Variants in LINGO1 observed in about 807,000 individuals in gnomAD.
LINGO1 encodes leucine-rich repeat and immunoglobulin-like domain-containing nogo receptor-interacting protein 1.
A neutral mutation model predicts 37.3 loss-of-function variants in LINGO1; 11 were observed. The observed-to-expected ratio is 0.29, with a 90% CI of 0.19 to 0.49. The LOEUF is 0.49. Among genes scored for constraint, LINGO1 ranks in the 20% least tolerant of loss-of-function variants. The pLI, the probability that LINGO1 is intolerant of heterozygous loss-of-function variation, is 0.99. For missense variants in LINGO1, 585 were observed against 878.2 expected (o/e 0.67, Z 4.22); for synonymous variants, 387 against 403.0 (o/e 0.96, Z 0.48).
intron 1 of LINGO1, among the ~76,000 whole-genome samples, chr15:77,626,160 G>T (rs1396794293): frequency 6.6e-6 from 1 of 152,110 alleles, no homozygotes; most frequent in African/African-American, 2.4e-5. Context: ...GAATCTCTGG[G>T]CTAGGGCCTA....
At chr15:77,616,223 A>T (rs2073715625) in intron 1 of LINGO1, among the ~76,000 whole-genome samples, 1 of 152,168 alleles carries the variant, frequency 6.6e-6, no homozygotes, top group African/African-American at 2.4e-5. Context: ...GACTCCAAGC[A>T]CACACCCTGC....
At chr15:77,813,889 C>A (rs1399511443) in intron 1 of LINGO1, among the ~76,000 whole-genome samples, 1 of 152,202 alleles carries the variant, frequency 6.6e-6, no homozygotes, top group East Asian at 1.9e-4. Flanking sequence ...CAGCGCCCTC[C>A]CCACCCTGCC....
At chr15:77,724,569 T>C (rs1457277841) in intron 2 of LINGO1, among the ~76,000 whole-genome samples, 1 of 152,218 alleles carries the variant, frequency 6.6e-6, no homozygotes, top group Non-Finnish European at 1.5e-5. Context: ...AGGCACTTTC[T>C]AGTTTCAACC....
chr15:77,780,509 A>G (rs2076705529), intron 1 of LINGO1, among the ~76,000 whole-genome samples: 1 of 151,464 alleles, frequency 6.6e-6, no homozygotes, highest in Admixed American at 6.6e-5. Flanking sequence ...CTGGGAGGAG[A>G]CCTTGCGGAA....
intron 1 of LINGO1, among the ~76,000 whole-genome samples, chr15:77,742,084 T>G (rs1161800197): frequency 2.6e-5 from 4 of 152,174 alleles, no homozygotes; most frequent in Non-Finnish European, 5.9e-5. Flanking sequence ...CGGGGCCTAC[T>G]GCCAGGCACT....
chr15:77,781,636 C>G (rs1395469520), intron 1 of LINGO1, among the ~76,000 whole-genome samples: 5 of 152,168 alleles, frequency 3.3e-5, no homozygotes, highest in Non-Finnish European at 5.9e-5. Flanking sequence ...ACATCACACT[C>G]CGCACTCCGT....
chr15:77,690,047 T>A (rs2075576583), intron 2 of LINGO1, among the ~76,000 whole-genome samples: 1 of 152,216 alleles, frequency 6.6e-6, no homozygotes, highest in African/African-American at 2.4e-5. Flanking sequence ...ACACAGCACG[T>A]CCACATCCAT....
intron 1 of LINGO1, among the ~76,000 whole-genome samples, chr15:77,776,675 G>T (rs1415428286): frequency 6.6e-6 from 1 of 152,140 alleles, no homozygotes; most frequent in East Asian, 1.9e-4. Context: ...AAGAAAACAA[G>T]CCTCTTGTTC....
chr15:77,713,732 G>A (rs1009273886), intron 2 of LINGO1, among the ~76,000 whole-genome samples: 5 of 152,166 alleles, frequency 3.3e-5, no homozygotes, highest in African/African-American at 9.7e-5. Flanking sequence ...GGAGTTATGC[G>A]AGGCTGGGTA....
At chr15:77,695,385 T>C (rs1057033945) in intron 1 of LINGO1, among the ~76,000 whole-genome samples, 4 of 151,994 alleles carry the variant, frequency 2.6e-5, no homozygotes, top group Non-Finnish European at 4.4e-5. Context: ...TGAATGGACA[T>C]GGGAACCCTG....
chr15:77,680,005 G>C (rs2075387872), intron 2 of LINGO1, among the ~76,000 whole-genome samples: 1 of 152,210 alleles, frequency 6.6e-6, no homozygotes, highest in South Asian at 2.1e-4. Context: ...CATTTCCTCA[G>C]CCTCTTTAGA....
chr15:77,664,013 C>T (rs72744591), intron 3 of LINGO1, among the ~76,000 whole-genome samples: 24,866 of 152,100 alleles, frequency 0.16, 2,534 homozygotes, highest in Non-Finnish European at 0.23. Context: ...CTTCGGACCT[C>T]GGCTGAGCGT....
chr15:77,698,534 A>T (rs145496006), upstream of LINGO1, among the ~76,000 whole-genome samples: 82 of 152,208 alleles, frequency 5.4e-4, 1 homozygote, highest in East Asian at 0.015. Context: ...ACCAGGCAGG[A>T]GCTGTGGAAA....
At chr15:77,736,794 GAAAGAAAAGAAA>G (rs956035933) in intron 1 of LINGO1, among the ~76,000 whole-genome samples, 7 of 152,116 alleles carry the variant, frequency 4.6e-5, no homozygotes, top group South Asian at 2.1e-4. Flanking sequence ...AAACCAAAAA[GAAAGAAAAGAAA>G]AAAGAAAAGA....
intron 2 of LINGO1, among the ~76,000 whole-genome samples, chr15:77,794,337 TAC>T (rs1555543567): frequency 2.4e-5 from 3 of 127,004 alleles, no homozygotes; most frequent in Admixed American, 8.0e-5. Flanking sequence ...TATATGTATA[TAC>T]ATACATATAT....
At chr15:77,782,450 A>G (rs2076729171) in intron 1 of LINGO1, among the ~76,000 whole-genome samples, 2 of 152,254 alleles carry the variant, frequency 1.3e-5, no homozygotes, top group Middle Eastern at 3.4e-3. Context: ...CAATGAGATG[A>G]CCCACATATT....
chr15:77,797,332 C>G (rs982403760), intron 1 of LINGO1, among the ~76,000 whole-genome samples: 1 of 152,206 alleles, frequency 6.6e-6, no homozygotes, highest in Non-Finnish European at 1.5e-5. Context: ...ACACATGCTT[C>G]TGGGGGTGCA....
chr15:77,632,338 T>C lies in LINGO1; in HGVS notation c.-23A>G. The C allele has an allele frequency of 7.0e-7, 1 of 1,432,726 alleles. No homozygotes were observed. The highest frequency in any genetic ancestry group is 9.1e-7 in the Non-Finnish European group (1 of 1,092,932). The allele number at this position is 1,432,726 out of a possible 1,614,324, so 88.8% of individuals were successfully genotyped here. Reference sequence around the variant, plus strand: ...CATCTCGGGCGCGCCTTCGGTCCGCTCGGCTCGGTCACCAATCGCATGTCT... The same window carrying C: ...CATCTCGGGCGCGCCTTCGGTCCGCCCGGCTCGGTCACCAATCGCATGTCT... On this transcript the variant is annotated 5_prime_UTR_variant, in exon 1 of 2. Coordinates refer to ENST00000355300, the MANE Select transcript of LINGO1 (RefSeq NM_032808.7). The surrounding 1 kb of genome is among the most constrained non-coding windows in gnomAD (Gnocchi z 6.0).
At chr15:77,796,712 T>TC (rs1491158700) in intron 1 of LINGO1, among the ~76,000 whole-genome samples, 1 of 2,266 alleles carries the variant, frequency 4.4e-4, no homozygotes, top group Admixed American at 0.012. Context: ...CTCTCCTGCC[T>TC]TTTTTTTTTT....
Sources: allele counts gnomAD v4.1 joint callset (sites outside exome capture counted in the v4.1 genomes callset), GRCh38; gene constraint gnomAD v4.1.1; non-coding constraint Gnocchi (gnomAD v3.1); transcripts MANE v1.5; gene names NCBI Gene and HGNC (gene_info 2026-07-23, HGNC 2026-07-21).